The following KIAA1671 variants were observed in gnomAD, a reference collection of about 807,000 sequenced individuals.
The protein encoded by KIAA1671 is KIAA1671, also known as uncharacterized protein KIAA1671.
A neutral mutation model predicts 131.2 loss-of-function variants in KIAA1671; 52 were observed. The observed-to-expected ratio is 0.40, with a 90% CI of 0.32 to 0.50. The LOEUF (loss-of-function observed/expected upper bound fraction) is 0.50. KIAA1671 is among the 20% of genes least tolerant of loss of function. KIAA1671 has a pLI of 0.73. For missense variants in KIAA1671, 2,360 were observed against 2,364.2 expected (o/e 1.00, Z 0.04); for synonymous variants, 1,003 against 961.6 (o/e 1.04, Z -0.80).
chr22:25,099,552 T>G (rs1297669032), intron 6 of KIAA1671, among the ~76,000 whole-genome samples: 2 of 53,592 alleles, frequency 3.7e-5, no homozygotes, highest in Admixed American at 1.6e-4. Context: ...TTTGTTTTTT[T>G]TTTTTTTTTT....
chr22:25,093,862 C>G (rs886218052), intron 6 of KIAA1671, among the ~76,000 whole-genome samples: 35 of 131,802 alleles, frequency 2.7e-4, no homozygotes, highest in African/African-American at 4.5e-4. Context: ...CTCTCTCTCT[C>G]TCTCTCTCTC....
Position 25,028,514 on chromosome 22 carries a change from C to A in KIAA1671, c.515C>A (p.Ser172Tyr), listed in dbSNP as rs1180813551. Residue 172 changes from serine to tyrosine, a missense_variant, in exon 3 of 13, where the codon TCC becomes TAC. By Grantham distance (144) the Ser-to-Tyr change is moderately radical (BLOSUM62 -2). This residue lies in a region of KIAA1671 where 1,185 missense variants were observed against 1,126.2 expected (regional missense o/e 1.05). Transcript: ENST00000358431. The stretch of plus-strand genomic sequence containing the variant: ...GCGGAGGAGGCCAAGCTAGGTGTGT[C>A]CGGCTCCCGGCCTGAGGTGGCTGCC... ...EGAEEAKLGV[S>Y]GSRPEVAAKP... 2 of 1,549,064 alleles carry A rather than the reference C, an allele frequency of 1.3e-6. No individual in the cohort carries two copies. The highest frequency in any genetic ancestry group is 1.7e-6 in the Non-Finnish European group (2 of 1,146,138).
chr22:25,020,496 C>A (rs1002782468), intron 1 of KIAA1671, among the ~76,000 whole-genome samples: 12 of 152,096 alleles, frequency 7.9e-5, no homozygotes, highest in African/African-American at 2.9e-4. Context: ...ACTTTATGCC[C>A]CTTATGGTTC....
intron 9 of KIAA1671, among the ~76,000 whole-genome samples, chr22:25,181,185 A>G (rs571115300): frequency 6.6e-6 from 1 of 152,200 alleles, no homozygotes; most frequent in African/African-American, 2.4e-5. Context: ...CCATCACCCA[A>G]AAGCTTGAGT....
chr22:24,954,733 C>G (rs180844465), intron 1 of KIAA1671, among the ~76,000 whole-genome samples: 2 of 152,162 alleles, frequency 1.3e-5, no homozygotes, highest in Admixed American at 1.3e-4. Flanking sequence ...CCCCTACCCC[C>G]ACTGGAGGTC....
intron 6 of KIAA1671, among the ~76,000 whole-genome samples, chr22:25,123,774 TG>T (rs1568968665): frequency 1.3e-5 from 2 of 152,226 alleles, no homozygotes; most frequent in Non-Finnish European, 2.9e-5. Flanking sequence ...GACCATTCAC[TG>T]AAATCCTTCC....
intron 1 of KIAA1671, among the ~76,000 whole-genome samples, chr22:25,008,197 C>CAA (rs34995094): frequency 8.2e-5 from 6 of 72,746 alleles, no homozygotes; most frequent in Admixed American, 1.7e-4. Context: ...GACTCCGTCG[C>CAA]AAAAAAAAAA....
At position 25,019,599 on chromosome 22, in the gene KIAA1671, G is replaced by GT. The variant is rs369486668; in HGVS notation, c.-207-6023dup. ...CAAGTCCAACCCAGGTCTCCAACAT[G>GT]TTTTTTTTTTTCCATTGTCCCTGTT... is the stretch of plus-strand genomic sequence containing the variant. On this transcript the variant is annotated intron_variant, in intron 1 of 12. Transcript: ENST00000358431. Among the ~76,000 whole-genome samples the GT allele has an allele frequency of 3.1e-3, 447 of 142,766 alleles. 2 individuals carry two copies. The highest frequency in any genetic ancestry group is 0.019 in the Middle Eastern group (5 of 264). The allele number at this position is 142,766 out of a possible 152,430, so 93.7% of individuals were successfully genotyped here. A position where few individuals can be genotyped will look rare whatever the true frequency, so the allele number is the denominator to read the frequency against.
At chr22:25,096,758 C>G (rs1930409082) in intron 6 of KIAA1671, among the ~76,000 whole-genome samples, 3 of 152,206 alleles carry the variant, frequency 2.0e-5, no homozygotes, top group African/African-American at 7.2e-5. Flanking sequence ...CCTGCTCCTG[C>G]CTCTTTGGAA....
At position 25,040,218 on chromosome 22, in the gene KIAA1671, G is replaced by C; in HGVS notation, c.3088G>C (p.Val1030Leu). 6.4e-7 allele frequency: 1 copy of C among 1,551,736 alleles called. No individual in the cohort carries two copies. Among genetic ancestry groups the C allele is most frequent in the African/African-American group, 1.4e-5 (1 of 73,160 alleles). The change falls in exon 5 of 13, where the codon GTC (valine) becomes CTC (leucine). Residue 1030 changes from valine (V) to leucine (L), a missense_variant. Physicochemically the swap from Val to Leu is conservative, Grantham distance 32 (BLOSUM62 1). Coordinates refer to ENST00000358431, the MANE Select transcript of KIAA1671 (RefSeq NM_001145206.2). ...GGAACCCAAGGCGACATTTTTTGCA[G>C]TCACCTATCAGATTCCCAATACTCA... ...PVEPKATFFA[V>L]TYQIPNTQKA...
intron 6 of KIAA1671, among the ~76,000 whole-genome samples, chr22:25,093,750 C>CTCTTTCTCTCTCTCTCTG (rs1930188229): frequency 3.4e-5 from 4 of 118,938 alleles, no homozygotes; most frequent in East Asian, 2.5e-4. Flanking sequence ...CTCTCTCTCT[C>CTCTTTCTCTCTCTCTCTG]TCTCTCTCTC....
chr22:25,023,731 A>T (rs1453894417), intron 1 of KIAA1671: 2 of 152,086 alleles, frequency 1.3e-5, no homozygotes. Context: ...CGGATCACAA[A>T]GTCAGGATTT....
At chr22:25,121,438 G>A (rs1931939597) in intron 6 of KIAA1671, among the ~76,000 whole-genome samples, 1 of 151,248 alleles carries the variant, frequency 6.6e-6, no homozygotes, top group Non-Finnish European at 1.5e-5. Context: ...CTCCAGCCTG[G>A]GCGACAGAGT....
At chr22:25,153,991 T>C (rs1933138692) in intron 6 of KIAA1671, among the ~76,000 whole-genome samples, 1 of 152,242 alleles carries the variant, frequency 6.6e-6, no homozygotes, top group Non-Finnish European at 1.5e-5. Flanking sequence ...AAGAGACTAC[T>C]TCTTTTCTTC....
At chr22:25,013,252 T>C (rs1925132581) in intron 1 of KIAA1671, 1 of 152,192 alleles carries the variant, frequency 6.6e-6, no homozygotes, top group Non-Finnish European at 1.5e-5. Context: ...GACATTGTGC[T>C]GGGGGTAAAG....
At chr22:25,101,007 A>G (rs1457869607) in intron 6 of KIAA1671, among the ~76,000 whole-genome samples, 1 of 152,138 alleles carries the variant, frequency 6.6e-6, no homozygotes, top group Non-Finnish European at 1.5e-5. Flanking sequence ...TGCTTAGGGG[A>G]GGTCATGTGT....
At chr22:24,968,882 A>ATTGTT (rs1332934307) in intron 1 of KIAA1671, among the ~76,000 whole-genome samples, 9 of 151,484 alleles carry the variant, frequency 5.9e-5, no homozygotes, top group Non-Finnish European at 2.9e-5. Context: ...TTATTGTTTT[A>ATTGTT]TTGTTTTGTT....
intron 1 of KIAA1671, among the ~76,000 whole-genome samples, chr22:25,005,251 G>A (rs1428586921): frequency 1.3e-5 from 2 of 151,286 alleles, no homozygotes; most frequent in Non-Finnish European, 2.9e-5. Flanking sequence ...AGGAGGCTGA[G>A]GCAGCAGAAT....
chr22:25,033,226 G>T (rs1403459103), intron 4 of KIAA1671, among the ~76,000 whole-genome samples: 2 of 150,192 alleles, frequency 1.3e-5, no homozygotes, highest in Non-Finnish European at 3.0e-5. Flanking sequence ...ATCTCTAAAA[G>T]AAAAAAAAAA....
Sources: gnomAD v4.1 joint callset for allele counts (sites outside exome capture counted in the v4.1 genomes callset) on GRCh38, gnomAD v4.1.1 for gene constraint, gnomAD v4.1.1 regional missense constraint, MANE v1.5 for transcripts, NCBI Gene and HGNC (gene_info 2026-07-23, HGNC 2026-07-21) for gene names.